The following PLCB1 variants were observed in gnomAD, a reference collection of about 807,000 sequenced individuals.
PLCB1 encodes the protein phospholipase C beta 1, also known as 1-phosphatidylinositol 4,5-bisphosphate phosphodiesterase beta-1.
A neutral mutation model predicts 161.8 loss-of-function variants in PLCB1; 46 were observed. The observed-to-expected ratio is 0.28, with a 90% CI of 0.22 to 0.36. The LOEUF (loss-of-function observed/expected upper bound fraction) is 0.36. Among genes scored for constraint, PLCB1 ranks in the 10% least tolerant of loss-of-function variants. The probability of loss-of-function intolerance (pLI) is 1.00; values close to 1 mark genes in which losing one functional copy is unlikely to be tolerated. For missense variants in PLCB1, 1,016 were observed against 1,472.5 expected (o/e 0.69, Z 5.07); for synonymous variants, 517 against 503.7 (o/e 1.03, Z -0.35).
At chr20:8,762,261 C>T (rs1249903056) in intron 25 of PLCB1, among the ~76,000 whole-genome samples, 1 of 152,062 alleles carries the variant, frequency 6.6e-6, no homozygotes. Flanking sequence ...TTAATGCATA[C>T]AACAAGAGAC....
At chr20:8,434,492 G>T (rs1025973502) in intron 3 of PLCB1, among the ~76,000 whole-genome samples, 2 of 152,214 alleles carry the variant, frequency 1.3e-5, no homozygotes, top group Non-Finnish European at 2.9e-5. Flanking sequence ...GCCTAAAACA[G>T]ATTAGATGTC....
At chr20:8,474,727 T>G (rs2122725644) in intron 3 of PLCB1, among the ~76,000 whole-genome samples, 1 of 152,282 alleles carries the variant, frequency 6.6e-6, no homozygotes, top group African/African-American at 2.4e-5. Flanking sequence ...GTGACATTTC[T>G]GGACCTTGGA....
chr20:8,782,038 C>T (rs1488020759), intron 27 of PLCB1, among the ~76,000 whole-genome samples: 1 of 151,762 alleles, frequency 6.6e-6, no homozygotes, highest in Non-Finnish European at 1.5e-5. Flanking sequence ...TTTCTTTGCT[C>T]AGCAAGGAAA....
At chr20:8,183,019 G>T (rs6039073) in intron 2 of PLCB1, among the ~76,000 whole-genome samples, 2,034 of 152,246 alleles carry the variant, frequency 0.013, 52 homozygotes, top group African/African-American at 0.046. Flanking sequence ...CCGTGAAGCT[G>T]CATTCAGCTG....
chr20:8,542,719 T>C (rs1349802808), intron 3 of PLCB1, among the ~76,000 whole-genome samples: 1 of 152,200 alleles, frequency 6.6e-6, no homozygotes, highest in Non-Finnish European at 1.5e-5. Flanking sequence ...ACACACTTCA[T>C]ATAAGAATAT....
chr20:8,552,565 G>A (rs1230696673), intron 3 of PLCB1, among the ~76,000 whole-genome samples: 1 of 152,104 alleles, frequency 6.6e-6, no homozygotes, highest in Non-Finnish European at 1.5e-5. Context: ...ACAATAAAAT[G>A]CCTGCTAGTG....
intron 2 of PLCB1, among the ~76,000 whole-genome samples, chr20:8,261,017 CTT>C (rs1981663718): frequency 6.6e-6 from 1 of 152,176 alleles, no homozygotes; most frequent in Non-Finnish European, 1.5e-5. Context: ...CCTCACAGCC[CTT>C]GTGTTGCAAT....
chr20:8,164,371 C>T (rs1019189044), intron 2 of PLCB1, among the ~76,000 whole-genome samples: 1 of 152,118 alleles, frequency 6.6e-6, no homozygotes, highest in African/African-American at 2.4e-5. Context: ...CTTTTCTCAC[C>T]GTAGAGCTGT....
In PLCB1 at chr20:8,212,326, G is replaced by T. The variant is rs527319794; in HGVS notation, c.177+61955G>T. The stretch of plus-strand genomic sequence containing the variant: ...GTCTAGAACAGCATTTGAATTTTTA[G>T]CTCATCATAGTAATTGTTCAATTTT... On this transcript the variant is annotated intron_variant, in intron 2 of 31. Transcript: ENST00000338037. Among the ~76,000 whole-genome samples, 20 of 152,130 alleles carry T rather than the reference G, an allele frequency of 1.3e-4. No individual in the cohort carries two copies. The South Asian group carries it at 3.5e-3, about 27-fold the overall frequency.
intron 3 of PLCB1, among the ~76,000 whole-genome samples, chr20:8,442,341 T>C (rs962649256): frequency 5.3e-4 from 80 of 152,316 alleles, no homozygotes; most frequent in African/African-American, 1.9e-3. Context: ...GCTTCCAAGA[T>C]GGTTCCTCTA....
chr20:8,411,196 G>C (rs555778832), intron 3 of PLCB1, among the ~76,000 whole-genome samples: 1 of 152,296 alleles, frequency 6.6e-6, no homozygotes, highest in East Asian at 1.9e-4. Flanking sequence ...TGGATGTACT[G>C]TAAGTGCAAA....
rs563074402 is a variant in PLCB1 at position 8,697,676 on chromosome 20, C to T, written c.1060C>T (p.Leu354=). 3 of 1,614,188 alleles carry T rather than the reference C, an allele frequency of 1.9e-6. No homozygotes were observed. The East Asian group carries it at 6.7e-5, about 36-fold the overall frequency. Residue 354 remains leucine (L), a synonymous_variant, in exon 11 of 32, where the codon CTG becomes TTG. Transcript: ENST00000338037. ...TGTTGAGATGTATCGCCAAGTGCTC[C>T]TGTCTGGTTGTCGCTGTGTGGAGCT... ...SSVEMYRQVL[L]SGCRCVELDC...
chr20:8,738,034 G>A (rs1055065660), intron 20 of PLCB1, among the ~76,000 whole-genome samples: 1 of 152,172 alleles, frequency 6.6e-6, no homozygotes, highest in African/African-American at 2.4e-5. Flanking sequence ...TAAAGAGATA[G>A]TCGACTTCAT....
chr20:8,480,216 C>T (rs142515973), intron 3 of PLCB1, among the ~76,000 whole-genome samples: 3 of 152,164 alleles, frequency 2.0e-5, no homozygotes, highest in East Asian at 1.9e-4. Flanking sequence ...GAGTGGGTGG[C>T]GAGCCAGGGG....
intron 31 of PLCB1, among the ~76,000 whole-genome samples, chr20:8,839,426 G>GT (rs1248474910): frequency 6.6e-6 from 1 of 152,120 alleles, no homozygotes; most frequent in East Asian, 1.9e-4. Flanking sequence ...ACAAGAGAAG[G>GT]TTTTATAACA....
intron 3 of PLCB1, among the ~76,000 whole-genome samples, chr20:8,408,234 A>G (rs1978872237): frequency 6.6e-6 from 1 of 152,148 alleles, no homozygotes; most frequent in East Asian, 1.9e-4. Context: ...TTTTCTGTAA[A>G]TCTATTTATA....
At chr20:8,288,918 C>A (rs1364362135) in intron 2 of PLCB1, among the ~76,000 whole-genome samples, 1 of 152,148 alleles carries the variant, frequency 6.6e-6, no homozygotes, top group Non-Finnish European at 1.5e-5. Context: ...CCACTAGATA[C>A]CATAAGCTCC....
intron 3 of PLCB1, among the ~76,000 whole-genome samples, chr20:8,548,602 T>C (rs1296398277): frequency 6.6e-6 from 1 of 151,606 alleles, no homozygotes; most frequent in Admixed American, 6.6e-5. Context: ...CATCTATTCA[T>C]CTATCTGTCT....
chr20:8,651,943 C>G (rs530953661), intron 7 of PLCB1: 1 of 156,696 alleles, frequency 6.4e-6, no homozygotes, highest in East Asian at 1.9e-4. Flanking sequence ...GAATTTTTTT[C>G]CTTTTGCAAT....
Sources: allele counts gnomAD v4.1 joint callset (sites outside exome capture counted in the v4.1 genomes callset), GRCh38; gene constraint gnomAD v4.1.1; transcripts MANE v1.5; gene names NCBI Gene and HGNC (gene_info 2026-07-23, HGNC 2026-07-21).